The following RHPN2 variants were observed in gnomAD, a reference collection of about 807,000 sequenced individuals.
The protein encoded by RHPN2 is rhophilin Rho GTPase binding protein 2, also known as rhophilin-2.
A neutral mutation model predicts 79.0 loss-of-function variants in RHPN2; 40 were observed. The observed-to-expected ratio is 0.51, with a 90% CI of 0.39 to 0.66. The LOEUF is 0.66. RHPN2 is among the 30% of genes least tolerant of loss of function. RHPN2 has a pLI of 0.00. For missense variants in RHPN2, 686 were observed against 883.5 expected, an observed-to-expected ratio of 0.78 and a Z score of 2.83; for synonymous variants, 285 against 363.5, an observed-to-expected ratio of 0.78 and a Z score of 2.46.
At chr19:33,047,684 G>A (rs1400777602) in intron 1 of RHPN2, among the ~76,000 whole-genome samples, 2 of 152,294 alleles carry the variant, frequency 1.3e-5, no homozygotes, top group African/African-American at 4.8e-5. Context: ...CCCAGGGAGG[G>A]AGATGTGAGT....
At position 33,002,971 on chromosome 19, in the gene RHPN2, T is replaced by C; in HGVS notation, c.790A>G (p.Thr264Ala). The change falls in exon 8 of 15, where the codon ACC (threonine) becomes GCC (alanine). Residue 264 changes from threonine (T) to alanine (A), a missense_variant. Transcript: ENST00000254260. ...GVLNYLKDTFTHTPSYDMSPA... is the reference protein window; with the variant it reads ...GVLNYLKDTFAHTPSYDMSPA... ...CTCATGTCGTAACTTGGAGTATGGG[T>C]AAATGTGTCTTTCAGGTAATTTAAA... is the stretch of plus-strand genomic sequence containing the variant. 6.2e-7 allele frequency: 1 copy of C among 1,613,864 alleles called. No individual in the cohort carries two copies.
intron 4 of RHPN2, among the ~76,000 whole-genome samples, chr19:33,013,669 A>G (rs1157767072): frequency 6.6e-6 from 1 of 151,992 alleles, no homozygotes; most frequent in African/African-American, 2.4e-5. Flanking sequence ...TCTATGGCCT[A>G]TACATTCAAC....
chr19:33,052,161 G>A (rs186762439), intron 1 of RHPN2, among the ~76,000 whole-genome samples: 3 of 152,232 alleles, frequency 2.0e-5, no homozygotes, highest in Admixed American at 6.5e-5. Context: ...TAGGAAGAAA[G>A]GAAAGGGTGG....
At chr19:32,985,358 C>T (rs913386526) in intron 14 of RHPN2, among the ~76,000 whole-genome samples, 3 of 152,056 alleles carry the variant, frequency 2.0e-5, no homozygotes, top group African/African-American at 4.8e-5. Flanking sequence ...ATTATTTGGC[C>T]GGGCATGCTG....
At chr19:33,025,225 C>T (rs1444681849) in intron 3 of RHPN2, among the ~76,000 whole-genome samples, 1 of 150,764 alleles carries the variant, frequency 6.6e-6, no homozygotes, top group Non-Finnish European at 1.5e-5. Context: ...GTAATCCCAG[C>T]ACTTTGGGAG....
intron 2 of RHPN2, among the ~76,000 whole-genome samples, chr19:33,034,604 T>TGAA (rs1568322070): frequency 1.0e-4 from 1 of 9,588 alleles, no homozygotes; most frequent in African/African-American, 3.5e-4. Context: ...AGACTCCGTC[T>TGAA]CAAAAAAAAA....
chr19:33,020,023 A>G (rs1434597608), intron 4 of RHPN2, among the ~76,000 whole-genome samples: 2 of 152,098 alleles, frequency 1.3e-5, no homozygotes, highest in East Asian at 1.9e-4. Flanking sequence ...GCATCGGGGC[A>G]TGGTCTCTCC....
At chr19:33,062,515 A>G (rs1220654001) in intron 1 of RHPN2, among the ~76,000 whole-genome samples, 1 of 151,174 alleles carries the variant, frequency 6.6e-6, no homozygotes, top group African/African-American at 2.4e-5. Context: ...TACACCTGTA[A>G]TCCCAGCACT....
chr19:32,992,749 T>C (rs1971670988), intron 12 of RHPN2, among the ~76,000 whole-genome samples: 1 of 149,392 alleles, frequency 6.7e-6, no homozygotes, highest in African/African-American at 2.5e-5. Context: ...AGTTCGAGGC[T>C]GCAGTGAACT....
At chr19:32,981,202 C>G (rs1489946266) in intron 14 of RHPN2, among the ~76,000 whole-genome samples, 2 of 151,942 alleles carry the variant, frequency 1.3e-5, no homozygotes, top group African/African-American at 2.4e-5. Flanking sequence ...TTTTAAGGTT[C>G]TTCTTCTATT....
chr19:33,040,718 G>C (rs1972094191), intron 2 of RHPN2, among the ~76,000 whole-genome samples: 1 of 152,088 alleles, frequency 6.6e-6, no homozygotes, highest in South Asian at 2.1e-4. Context: ...ACTTTGGGAG[G>C]CTGAGGCAGG....
At chr19:33,034,772 A>C (rs1229824811) in intron 2 of RHPN2, among the ~76,000 whole-genome samples, 1 of 130,572 alleles carries the variant, frequency 7.7e-6, no homozygotes, top group Non-Finnish European at 1.6e-5. Flanking sequence ...CAATAGAGCA[A>C]GACTCCATCT....
In RHPN2 at chr19:33,061,565, C is replaced by T. The variant is rs139541527; in HGVS notation, c.69+3219G>A. The stretch of plus-strand genomic sequence containing the variant: ...GTGGCACAATCTCAGCTCACTGCAA[C>T]CTCCGCCTCCTGGGTTCAAGCGAGT... On this transcript the variant is annotated intron_variant, in intron 1 of 14. Coordinates refer to ENST00000254260, the MANE Select transcript of RHPN2 (RefSeq NM_033103.5). 1.6e-3 allele frequency among the ~76,000 whole-genome samples: 246 copies of T among 151,354 alleles called. 6 individuals are homozygous for T. In the East Asian group the frequency reaches 0.044, roughly 27 times the overall value.
intron 1 of RHPN2, among the ~76,000 whole-genome samples, chr19:33,056,216 C>T (rs1022237617): frequency 2.7e-5 from 4 of 150,570 alleles, no homozygotes; most frequent in East Asian, 3.9e-4. Flanking sequence ...AGGTTCAAGC[C>T]ATTCTCCTGC....
chr19:33,020,325 T>TTC (rs1397505059), intron 4 of RHPN2, among the ~76,000 whole-genome samples: 4 of 123,550 alleles, frequency 3.2e-5, no homozygotes, highest in Admixed American at 8.2e-5. Flanking sequence ...ATTACTTTCG[T>TTC]TCTCTTTTTT....
rs563478838 is a variant in RHPN2 at position 33,011,393 on chromosome 19, G to A, written c.593+286C>T. Among the ~76,000 whole-genome samples, 7 of 152,068 alleles carry A rather than the reference G, an allele frequency of 4.6e-5. No homozygotes were observed. The East Asian group carries it at 5.8e-4, about 13-fold the overall frequency. On this transcript the variant is annotated intron_variant, in intron 6 of 14. Transcript: ENST00000254260. ...TGGCTAATTCCACTTCAGAGCCCCC[G>A]TGCTTCCCCAGTGATACAACGAGCA...
chr19:33,027,017 G>T (rs79812655), intron 2 of RHPN2: 57,551 of 325,602 alleles, frequency 0.18, 6,675 homozygotes, highest in African/African-American at 0.32. Context: ...AGCACTCTGG[G>T]AGGCCGAGGC....
Position 33,020,744 on chromosome 19 carries a change from G to A in RHPN2, c.390+827C>T, listed in dbSNP as rs190948410. Reference sequence around the variant, plus strand: ...TTCAACTCCTGAGCTCAAGTGATCCGCCTGCTTCAGCCTCCCAAAGTGCTG... The same window carrying A: ...TTCAACTCCTGAGCTCAAGTGATCCACCTGCTTCAGCCTCCCAAAGTGCTG... On this transcript the variant is annotated intron_variant, in intron 4 of 14. Coordinates refer to ENST00000254260, the MANE Select transcript of RHPN2 (RefSeq NM_033103.5). 1.1e-3 allele frequency among the ~76,000 whole-genome samples: 171 copies of A among 152,160 alleles called. 1 individual carries two copies. The highest frequency in any genetic ancestry group is 4.0e-3 in the African/African-American group (165 of 41,512).
intron 1 of RHPN2, among the ~76,000 whole-genome samples, chr19:33,056,604 T>C (rs1972234630): frequency 6.6e-6 from 1 of 152,174 alleles, no homozygotes. Flanking sequence ...CATAAAAATC[T>C]GGGGAAAAGA....
Sources: allele counts gnomAD v4.1 joint callset (sites outside exome capture counted in the v4.1 genomes callset), GRCh38; gene constraint gnomAD v4.1.1; transcripts MANE v1.5; gene names NCBI Gene and HGNC (gene_info 2026-07-23, HGNC 2026-07-21).